The following CCDC39 variants were observed in gnomAD, a reference collection of about 807,000 sequenced individuals.
CCDC39 encodes coiled-coil domain 39 molecular ruler complex subunit, also known as coiled-coil domain-containing protein 39.
CCDC39 carries 113 observed loss-of-function variants against 121.0 expected under a neutral mutation model. The ratio of observed to expected loss-of-function variants is 0.93; its 90% CI spans 0.80 to 1.09. CCDC39 has a LOEUF of 1.09. Among genes scored for constraint, CCDC39 ranks in the 50% least tolerant of loss-of-function variants. The pLI is 0.00. For synonymous variants in CCDC39, 349 were observed against 352.2 expected, an observed-to-expected ratio of 0.99 and a Z score of 0.10; for missense variants, 1,063 against 1,074.7, an observed-to-expected ratio of 0.99 and a Z score of 0.15.
chr3:180,659,833 T>C (rs930348379), intron 4 of CCDC39, 64 bp from the exon 5 acceptor site: 2 of 1,040,278 alleles, frequency 1.9e-6, no homozygotes, highest in Admixed American at 4.3e-5. Flanking sequence ...GTTATTAGTG[T>C]ATCTAACATT....
chr3:180,644,178 A>C lies in CCDC39; in HGVS notation c.1607T>G (p.Leu536Arg). The C allele has an allele frequency of 6.5e-7, 1 of 1,545,870 alleles. No homozygotes were observed. Among genetic ancestry groups the C allele is most frequent in the Non-Finnish European group, 8.7e-7 (1 of 1,144,452 alleles). Residue 536 changes from leucine to arginine, a missense_variant, in exon 12 of 20, where the codon CTA (leucine) becomes CGA (arginine). By Grantham distance (102) the Leu-to-Arg change is moderately radical. Transcript: ENST00000476379. Reference protein sequence around the residue: ...KQSLMTKINELNLFIDRSEKE... With the variant: ...KQSLMTKINERNLFIDRSEKE... Reference sequence around the variant, plus strand: ...CTCTGATCTGTCGATGAAAAGGTTTAGTTCATTTATTTTGGTCATAAGGGA... The same window carrying C: ...CTCTGATCTGTCGATGAAAAGGTTTCGTTCATTTATTTTGGTCATAAGGGA...
At chr3:180,664,080 T>C (rs1183834483) in intron 1 of CCDC39, 94 bp from the exon 2 acceptor site, 31 of 1,169,500 alleles carry the variant, frequency 2.7e-5, no homozygotes, top group Non-Finnish European at 3.4e-5. Flanking sequence ...TTCATTTACA[T>C]TGTCTTAGTC....
intron 15 of CCDC39, 116 bp downstream of exon 15, chr3:180,619,695 T>A (rs1195604610): frequency 1.5e-6 from 1 of 662,644 alleles, no homozygotes; most frequent in Non-Finnish European, 2.4e-6. Flanking sequence ...GGGATTAGTT[T>A]TTCTGACCCA....
intron 4 of CCDC39, among the ~76,000 whole-genome samples, chr3:180,659,992 A>C (rs1711703196): frequency 6.6e-6 from 1 of 152,108 alleles, no homozygotes; most frequent in Admixed American, 6.5e-5. Flanking sequence ...AATGACTTTT[A>C]ATATTTTTAA....
At chr3:180,636,596 A>G (rs928678623) in intron 13 of CCDC39, among the ~76,000 whole-genome samples, 1 of 150,370 alleles carries the variant, frequency 6.7e-6, no homozygotes, top group African/African-American at 2.4e-5. Context: ...TAAAATTCAT[A>G]TGGAACCAAA....
At chr3:180,673,254 A>T (rs1712099229) in intron 1 of CCDC39, among the ~76,000 whole-genome samples, 1 of 152,242 alleles carries the variant, frequency 6.6e-6, no homozygotes, top group Admixed American at 6.5e-5. Context: ...TGAAAGTTCT[A>T]CTGTGCATAC....
rs543779507 is a variant in CCDC39 at position 180,659,775 on chromosome 3, A to T, written c.517-6T>A. ...TCTAATTGCAGAGTCAGTGCCTATG[A>T]TGTAATTATATACAGATACTTATAA... On this transcript the variant is annotated splice_polypyrimidine_tract_variant and splice_region_variant and intron_variant, in intron 4 of 19. Transcript: ENST00000476379. 6.4e-7 allele frequency: 1 copy of T among 1,563,326 alleles called. No homozygotes were observed.
chr3:180,616,658 T>C lies in CCDC39; in HGVS notation c.2444A>G (p.Asp815Gly). Residue 815 changes from aspartate (D) to glycine (G), a missense_variant, in exon 18 of 20, where the codon GAC becomes GGC. Physicochemically the swap from Asp to Gly is moderately conservative, Grantham distance 94. Transcript: ENST00000476379. ...KLTKEIRLLK[D>G]TKDETMEEQD... ...TTCTTCCATTGTTTCATCTTTTGTG[T>C]CTTTCAAAAGACGGATTTCCTTTGT... 2 of 1,593,012 alleles carry C rather than the reference T, an allele frequency of 1.3e-6. No individual in the cohort carries two copies. Among genetic ancestry groups the C allele is most frequent in the Non-Finnish European group, 1.7e-6 (2 of 1,168,000 alleles).
At chr3:180,630,076 C>T (rs542697974) in intron 14 of CCDC39, among the ~76,000 whole-genome samples, 9 of 152,244 alleles carry the variant, frequency 5.9e-5, no homozygotes, top group African/African-American at 1.9e-4. Context: ...TTAGGCCTCA[C>T]ATGGTTAAGT....
intron 6 of CCDC39, among the ~76,000 whole-genome samples, chr3:180,656,222 T>C (rs1271627872): frequency 3.9e-5 from 6 of 152,236 alleles, no homozygotes; most frequent in Non-Finnish European, 7.3e-5. Context: ...TCTTGCCTTA[T>C]GATTTTTTCT....
chr3:180,615,709 A>G (rs1717207293), intron 19 of CCDC39, among the ~76,000 whole-genome samples: 1 of 152,162 alleles, frequency 6.6e-6, no homozygotes. Flanking sequence ...TGAATTCTAA[A>G]ATCAGGATCA....
At chr3:180,672,356 G>A (rs1428892393) in intron 1 of CCDC39, among the ~76,000 whole-genome samples, 1 of 152,196 alleles carries the variant, frequency 6.6e-6, no homozygotes, top group Non-Finnish European at 1.5e-5. Flanking sequence ...CACTTTGGGA[G>A]GCCAAGGCAG....
chr3:180,654,942 C>T lies in CCDC39; in HGVS notation c.750G>A (p.Arg250=), dbSNP rs1293095815. The part of the protein sequence containing the change: ...DIDNCALELA[R]IKQETREKEN... ...CTTTTTCTCTCGTTTCCTGCTTTAT[C>T]CTTGCTAATTCCTAGGATTAAAACA... The change falls in exon 7 of 20, where the codon AGG becomes AGA. Residue 250 remains arginine, a synonymous_variant. Transcript: ENST00000476379. The T allele has an allele frequency of 1.9e-6, 3 of 1,557,238 alleles. No homozygotes were observed. The highest frequency in any genetic ancestry group is 2.6e-6 in the Non-Finnish European group (3 of 1,156,338).
chr3:180,618,858 G>A (rs1316696459), intron 16 of CCDC39, among the ~76,000 whole-genome samples: 1 of 152,040 alleles, frequency 6.6e-6, no homozygotes, highest in Non-Finnish European at 1.5e-5. Context: ...AATAGACAAT[G>A]CACATTCTTT....
intron 13 of CCDC39, 120 bp from the exon 14 acceptor site, chr3:180,631,712 ATTTG>A: frequency 2.5e-6 from 2 of 792,634 alleles, no homozygotes; most frequent in East Asian, 5.5e-5. Flanking sequence ...AACAGGTTAA[ATTTG>A]TTCTCACGTT....
intron 1 of CCDC39, among the ~76,000 whole-genome samples, chr3:180,664,226 G>A (rs896254081): frequency 6.6e-6 from 1 of 152,176 alleles, no homozygotes; most frequent in African/African-American, 2.4e-5. Flanking sequence ...GATTCCTGGT[G>A]AGGGCCCTCT....
chr3:180,630,357 G>A (rs1717664713), intron 14 of CCDC39, among the ~76,000 whole-genome samples: 1 of 152,118 alleles, frequency 6.6e-6, no homozygotes, highest in Admixed American at 6.5e-5. Flanking sequence ...AGCTGGGACT[G>A]ATTTCTCATA....
At chr3:180,620,048 A>G in intron 14 of CCDC39, 78 bp from the exon 15 acceptor site, 1 of 1,118,234 alleles carries the variant, frequency 8.9e-7, no homozygotes, top group East Asian at 2.7e-5. Context: ...TCTTTGGAGC[A>G]GAAAATAGTT....
chr3:180,654,829 C>T lies in CCDC39; in HGVS notation c.863G>A (p.Arg288His), dbSNP rs576805965. The T allele has an allele frequency of 2.0e-4, 326 of 1,610,256 alleles. 2 individuals are homozygous for T. The South Asian group carries it at 3.2e-3, about 16-fold the overall frequency. Residue 288 changes from arginine (R) to histidine (H), a missense_variant, in exon 7 of 20, where the codon CGT becomes CAT. By Grantham distance (29) the Arg-to-His change is conservative. Transcript: ENST00000476379. ...EFEKRISVAD[R>H]KLLKCRTAYQ... ...TGCCGTTCTACATTTTAAAAGTTTA[C>T]GATCAGCCACAGAAATTCTTTTCTC...
Sources: allele counts gnomAD v4.1 joint callset (sites outside exome capture counted in the v4.1 genomes callset), GRCh38; gene constraint gnomAD v4.1.1; transcripts MANE v1.5; gene names NCBI Gene and HGNC (gene_info 2026-07-23, HGNC 2026-07-21).